Variants in TSKS observed in about 807,000 individuals in gnomAD.
The protein encoded by TSKS is testis-specific serine kinase substrate.
TSKS carries 27 observed loss-of-function variants against 68.0 expected under a neutral mutation model. The observed-to-expected ratio is 0.40, with a 90% CI of 0.29 to 0.55. The LOEUF is 0.55. Ranked by LOEUF, TSKS falls within the 20% of genes least tolerant of loss-of-function variation. The pLI is 0.53. For synonymous variants in TSKS, 331 were observed against 340.4 expected (o/e 0.97, Z 0.30); for missense variants, 806 against 776.0 (o/e 1.04, Z -0.46).
rs886196170 is a variant in TSKS at position 49,746,405 on chromosome 19, C to T, written c.992+65G>A. ...TTGGGTCCCGCCCACCGCATCTCCT[C>T]GAGGCTCCACCCCTGAGTCCCCGCC... On this transcript the variant is annotated intron_variant, in intron 6 of 10. Coordinates refer to ENST00000246801, the MANE Select transcript of TSKS (RefSeq NM_021733.2). 50 of 1,586,952 alleles carry T rather than the reference C, an allele frequency of 3.2e-5. No homozygotes were observed. The African/African-American group carries it at 6.2e-4, about 20-fold the overall frequency.
chr19:49,758,570 T>G (rs2084412627), intron 2 of TSKS, among the ~76,000 whole-genome samples: 1 of 152,184 alleles, frequency 6.6e-6, no homozygotes, highest in Non-Finnish European at 1.5e-5. Flanking sequence ...AGAGCTCTTC[T>G]GTCTGAGGGA....
intron 2 of TSKS, among the ~76,000 whole-genome samples, chr19:49,759,385 C>T (rs971515745): frequency 1.7e-4 from 25 of 150,348 alleles, no homozygotes; most frequent in Middle Eastern, 3.4e-3. Context: ...AGAAGAATGG[C>T]TTGAACCTGG....
intron 4 of TSKS, 146 bp from the exon 5 acceptor site, chr19:49,747,618 G>T (rs1015302919): frequency 1.5e-5 from 11 of 741,624 alleles, no homozygotes; most frequent in South Asian, 6.9e-5. Flanking sequence ...TGGCTAAGGG[G>T]ATGGCTTCCT....
In TSKS at chr19:49,745,382, G is replaced by A. The variant is rs2084289451; in HGVS notation, c.1007C>T (p.Ser336Leu). Reference sequence around the variant, plus strand: ...CTCCTGATGCCACCGGGCGGTCAGTGAGGACACCTCTCTCCTGGAGGGGCA... The same window carrying A: ...CTCCTGATGCCACCGGGCGGTCAGTAAGGACACCTCTCTCCTGGAGGGGCA... ...GIEELRREVSSLTARWHQEEG... is the reference protein window; with the variant it reads ...GIEELRREVSLLTARWHQEEG... The change falls in exon 7 of 11, where the codon TCA (serine) becomes TTA (leucine). Residue 336 changes from serine (S) to leucine (L), a missense_variant. Transcript: ENST00000246801. 6.4e-7 allele frequency: 1 copy of A among 1,570,680 alleles called. No homozygotes were observed. Among genetic ancestry groups the A allele is most frequent in the Non-Finnish European group, 8.6e-7 (1 of 1,162,306 alleles).
At chr19:49,743,493 CTTTTTTT>C (rs761657800) in intron 8 of TSKS, among the ~76,000 whole-genome samples, 20 of 103,894 alleles carry the variant, frequency 1.9e-4, no homozygotes, top group South Asian at 6.7e-4. Flanking sequence ...AAGTGAATTT[CTTTTTTT>C]TTTTTTTTTT....
At position 49,739,794 on chromosome 19, in the gene TSKS, G is replaced by C; in HGVS notation, c.1761C>G (p.Gly587=). Residue 587 remains glycine, a synonymous_variant, in exon 11 of 11, where the codon GGC becomes GGG. Transcript: ENST00000246801. ...AGGCCATTTATTGTTCAGGGGCTGA[G>C]CCCCCCTGTTTTGGGGGGGTTCCTG... ...SSAGTPPKQG[G]SAPEQ The C allele has an allele frequency of 2.0e-6, 3 of 1,486,988 alleles. No homozygotes were observed. The highest frequency in any genetic ancestry group is 2.8e-6 in the Non-Finnish European group (3 of 1,068,130). The allele number at this position is 1,486,988 out of a possible 1,614,324, so 92.1% of individuals were successfully genotyped here.
rs1186639910 is a variant in TSKS at position 49,739,882 on chromosome 19, T to G, written c.1673A>C (p.His558Pro). Reference protein sequence around the residue: ...DHLHLKMCSLHDHLSNLPLEG... With the variant: ...DHLHLKMCSLPDHLSNLPLEG... Reference sequence around the variant, plus strand: ...AAGTGGCAGGTTGCTGAGATGATCGTGGAGGGAGCACATCTTCAAGTGTAG... The same window carrying G: ...AAGTGGCAGGTTGCTGAGATGATCGGGGAGGGAGCACATCTTCAAGTGTAG... Residue 558 changes from histidine to proline, a missense_variant, in exon 11 of 11, where the codon CAC becomes CCC. Transcript: ENST00000246801. 6.2e-7 allele frequency: 1 copy of G among 1,613,968 alleles called. No individual in the cohort carries two copies. Among genetic ancestry groups the G allele is most frequent in the Non-Finnish European group, 8.5e-7 (1 of 1,179,970 alleles).
chr19:49,756,175 A>G (rs571933029), intron 2 of TSKS, among the ~76,000 whole-genome samples: 37 of 152,242 alleles, frequency 2.4e-4, no homozygotes, highest in Non-Finnish European at 3.8e-4. Flanking sequence ...ACATACTAAA[A>G]TCAACCAATG....
chr19:49,762,931 A>T, intron 1 of TSKS, 147 bp downstream of exon 1: 1 of 938,374 alleles, frequency 1.1e-6, no homozygotes, highest in South Asian at 1.8e-5. Flanking sequence ...CTGTGACTTG[A>T]TGTCTCTTCA....
chr19:49,755,375 C>T (rs1413170686), intron 2 of TSKS, among the ~76,000 whole-genome samples: 2 of 152,176 alleles, frequency 1.3e-5, no homozygotes, highest in Non-Finnish European at 2.9e-5. Context: ...TAAATCCACA[C>T]ATCCAAGAAG....
rs937114915 is a variant in TSKS, at chr19:49,747,389, C to T, written c.663G>A (p.Glu221=). ...NVLKQNSALL[E]EKLRYLQQQL... is the part of the protein sequence containing the mutation. Reference sequence around the variant, plus strand: ...CCTGGGACTGCCCCCTAGCCCTTACCTCCAGCAGGGCAGAATTCTGCTTCA... The same window carrying T: ...CCTGGGACTGCCCCCTAGCCCTTACTTCCAGCAGGGCAGAATTCTGCTTCA... The change falls in exon 5 of 11, where the codon GAG becomes GAA. Residue 221 remains glutamate, a splice_region_variant and synonymous_variant. Transcript: ENST00000246801. 1 of 1,614,092 alleles carries T rather than the reference C, an allele frequency of 6.2e-7. No individual in the cohort carries two copies. The highest frequency in any genetic ancestry group is 1.3e-5 in the African/African-American group (1 of 74,928).
chr19:49,757,953 C>T (rs1469416534), intron 2 of TSKS, among the ~76,000 whole-genome samples: 20 of 149,954 alleles, frequency 1.3e-4, no homozygotes, highest in African/African-American at 4.2e-4. Context: ...TGCAGTGGCA[C>T]GATCTCGGCT....
intron 2 of TSKS, among the ~76,000 whole-genome samples, chr19:49,760,637 A>G (rs866416581): frequency 1.3e-5 from 2 of 151,416 alleles, no homozygotes; most frequent in Non-Finnish European, 2.9e-5. Flanking sequence ...CCTACAAAAA[A>G]TTTTTTTTTA....
At chr19:49,751,649 C>G (rs2084351540) in intron 2 of TSKS, among the ~76,000 whole-genome samples, 1 of 152,034 alleles carries the variant, frequency 6.6e-6, no homozygotes, top group African/African-American at 2.4e-5. Context: ...TTAAGTGATG[C>G]CTGGGAAGAC....
At chr19:49,751,288 C>T (rs559059958) in intron 2 of TSKS, among the ~76,000 whole-genome samples, 2 of 114,916 alleles carry the variant, frequency 1.7e-5, no homozygotes, top group Non-Finnish European at 3.3e-5. Flanking sequence ...TGGGCGACAA[C>T]GAGATTCCAT....
chr19:49,749,925 CT>C (rs1485641713), intron 2 of TSKS, among the ~76,000 whole-genome samples: 2 of 151,792 alleles, frequency 1.3e-5, no homozygotes, highest in African/African-American at 4.8e-5. Flanking sequence ...TTTTCTCTCT[CT>C]TTTATTTATT....
chr19:49,742,906 G>A (rs2084263781), intron 8 of TSKS, among the ~76,000 whole-genome samples: 1 of 152,138 alleles, frequency 6.6e-6, no homozygotes, highest in South Asian at 2.1e-4. Flanking sequence ...TGTACTGTGA[G>A]TCCCCCTTTC....
intron 6 of TSKS, 46 bp from the exon 7 acceptor site, chr19:49,745,442 G>A (rs1341046675): frequency 7.0e-7 from 1 of 1,419,696 alleles, no homozygotes; most frequent in Non-Finnish European, 9.4e-7. Flanking sequence ...GGCTTCAACA[G>A]GTCCCCACCT....
At chr19:49,745,967 A>C (rs1208175062) in intron 6 of TSKS, among the ~76,000 whole-genome samples, 1 of 152,094 alleles carries the variant, frequency 6.6e-6, no homozygotes, top group East Asian at 1.9e-4. Context: ...GCGGATCACG[A>C]GGCCAGGAGA....
Sources: allele counts gnomAD v4.1 joint callset (sites outside exome capture counted in the v4.1 genomes callset), GRCh38; gene constraint gnomAD v4.1.1; transcripts MANE v1.5; gene names NCBI Gene and HGNC (gene_info 2026-07-23, HGNC 2026-07-21).